Variants in LRP1B observed in about 807,000 individuals in gnomAD.
The protein encoded by LRP1B is LDL receptor related protein 1B, also known as low-density lipoprotein receptor-related protein 1B.
In LRP1B, 217 loss-of-function variants were observed where a neutral mutation model predicts 556.6. The ratio of observed to expected loss-of-function variants is 0.39; its 90% CI spans 0.35 to 0.44. The LOEUF (loss-of-function observed/expected upper bound fraction) is 0.44. Ranked by LOEUF, LRP1B falls within the 20% of genes least tolerant of loss-of-function variation. The pLI is 1.00. For synonymous variants in LRP1B, 2,047 were observed against 1,865.8 expected (o/e 1.10, Z -2.50); for missense variants, 5,053 against 5,620.8 (o/e 0.90, Z 3.23).
intron 35 of LRP1B, among the ~76,000 whole-genome samples, chr2:140,743,715 T>G (rs968789767): frequency 6.6e-5 from 10 of 151,960 alleles, no homozygotes; most frequent in African/African-American, 2.4e-4. Flanking sequence ...ATCTCAGCAC[T>G]TTGAAAGGCT....
At chr2:141,513,417 T>G (rs745380030) in intron 2 of LRP1B, among the ~76,000 whole-genome samples, 52 of 152,104 alleles carry the variant, frequency 3.4e-4, no homozygotes, top group African/African-American at 1.2e-3. Context: ...ATGTATAATA[T>G]TATGAACATT....
intron 27 of LRP1B, among the ~76,000 whole-genome samples, chr2:140,860,346 C>G (rs182668433): frequency 1.6e-3 from 246 of 152,212 alleles, no homozygotes; most frequent in African/African-American, 5.7e-3. Context: ...CTCATTCTCT[C>G]TTTTTCTGGG....
chr2:142,016,505 AGG>A (rs1703134583), intron 1 of LRP1B, among the ~76,000 whole-genome samples: 1 of 152,220 alleles, frequency 6.6e-6, no homozygotes, highest in Non-Finnish European at 1.5e-5. Context: ...GCCATAAAAA[AGG>A]ATGAGTTCAT....
intron 41 of LRP1B, among the ~76,000 whole-genome samples, chr2:140,627,913 G>C (rs1292572479): frequency 6.6e-6 from 1 of 152,104 alleles, no homozygotes; most frequent in African/African-American, 2.4e-5. Flanking sequence ...GACAAACTAG[G>C]CTTTTCTGCC....
intron 35 of LRP1B, among the ~76,000 whole-genome samples, chr2:140,753,775 G>A (rs1688658601): frequency 6.6e-6 from 1 of 151,948 alleles, no homozygotes; most frequent in Non-Finnish European, 1.5e-5. Flanking sequence ...TTTACCTTTG[G>A]CTCCCAATAA....
At chr2:141,065,228 G>A (rs1162668794) in intron 7 of LRP1B, among the ~76,000 whole-genome samples, 2 of 151,846 alleles carry the variant, frequency 1.3e-5, no homozygotes, top group Admixed American at 1.3e-4. Flanking sequence ...CCACTTCAGA[G>A]TAAACTGCTG....
intron 15 of LRP1B, among the ~76,000 whole-genome samples, chr2:141,001,166 A>G (rs1397958399): frequency 1.3e-5 from 2 of 152,086 alleles, no homozygotes; most frequent in East Asian, 1.9e-4. Flanking sequence ...AACTTATCAG[A>G]TCTCTGAGAG....
intron 2 of LRP1B, among the ~76,000 whole-genome samples, chr2:141,489,723 T>C (rs1223748573): frequency 6.6e-6 from 1 of 152,136 alleles, no homozygotes; most frequent in African/African-American, 2.4e-5. Flanking sequence ...CAAACTTATA[T>C]GTAAGTGCAT....
chr2:141,921,702 A>T (rs1312057520), intron 1 of LRP1B, among the ~76,000 whole-genome samples: 1 of 152,076 alleles, frequency 6.6e-6, no homozygotes, highest in Non-Finnish European at 1.5e-5. Context: ...CTCATCAATT[A>T]TAAATAAAAT....
chr2:140,335,922 G>C, intron 77 of LRP1B, 84 bp from the exon 78 acceptor site: 2 of 828,578 alleles, frequency 2.4e-6, no homozygotes, highest in South Asian at 2.9e-5. Context: ...GAAGTTATGG[G>C]GGAATTGTAA....
Position 141,653,941 on chromosome 2 carries a change from A to G in LRP1B, c.205+156338T>C, listed in dbSNP as rs889783378. 1.2e-4 allele frequency among the ~76,000 whole-genome samples: 18 copies of G among 152,164 alleles called. 1 individual carries two copies. Among genetic ancestry groups the G allele is most frequent in the Admixed American group, 1.0e-3 (16 of 15,278 alleles). On this transcript the variant is annotated intron_variant, in intron 2 of 90. Transcript: ENST00000389484. ...CTTTGCTACAATTGTTTGGGCCACC[A>G]TGTATTCTTGAAGCTTACAATAATT... is the stretch of plus-strand genomic sequence containing the variant.
rs538952083 is a variant in LRP1B, at chr2:141,106,244, T to G, written c.1014-43971A>C. On this transcript the variant is annotated intron_variant, in intron 7 of 90. Transcript: ENST00000389484. ...ATGTCATCGACACTTCATTTTGTATTCTAAATAGTTTAGGGAATAGAACAA... is the reference window on the plus strand; with the variant it reads ...ATGTCATCGACACTTCATTTTGTATGCTAAATAGTTTAGGGAATAGAACAA... Among the ~76,000 whole-genome samples the G allele has an allele frequency of 1.3e-4, 20 of 152,320 alleles. 1 individual carries two copies. Among genetic ancestry groups the G allele is most frequent in the African/African-American group, 4.8e-4 (20 of 41,586 alleles).
intron 2 of LRP1B, among the ~76,000 whole-genome samples, chr2:141,700,007 CAT>C (rs1691881088): frequency 6.6e-6 from 1 of 151,210 alleles, no homozygotes. Context: ...CTTTGAAACT[CAT>C]ATGTAAATAT....
chr2:140,497,908 T>G (rs955830768), intron 55 of LRP1B, among the ~76,000 whole-genome samples: 1 of 151,932 alleles, frequency 6.6e-6, no homozygotes, highest in Non-Finnish European at 1.5e-5. Flanking sequence ...GTTTAAGATT[T>G]ACAGTAAATT....
At chr2:140,479,664 A>G (rs1007943477) in intron 59 of LRP1B, among the ~76,000 whole-genome samples, 6 of 152,172 alleles carry the variant, frequency 3.9e-5, no homozygotes, top group Non-Finnish European at 8.8e-5. Flanking sequence ...ACCTGCAATT[A>G]TCTCTGACTT....
chr2:141,725,658 C>T lies in LRP1B; in HGVS notation c.205+84621G>A, dbSNP rs538303151. On this transcript the variant is annotated intron_variant, in intron 2 of 90. Transcript: ENST00000389484. ...AAATTTTAAAAAGAATACAAGTAGT[C>T]TTTTTGGTTGGCACAATATAGCAAA... is the stretch of plus-strand genomic sequence containing the variant. 9.2e-5 allele frequency among the ~76,000 whole-genome samples: 14 copies of T among 151,730 alleles called. 1 individual carries two copies. In the South Asian group the frequency reaches 2.9e-3, roughly 32 times the overall value.
At chr2:141,607,537 CCCTT>C in intron 2 of LRP1B, among the ~76,000 whole-genome samples, 1 of 152,186 alleles carries the variant, frequency 6.6e-6, no homozygotes, top group Non-Finnish European at 1.5e-5. Context: ...AGTTGGCTCT[CCCTT>C]CCCATCCCTC....
intron 3 of LRP1B, among the ~76,000 whole-genome samples, chr2:141,347,848 G>T (rs1054749052): frequency 1.3e-5 from 2 of 151,930 alleles, no homozygotes; most frequent in Non-Finnish European, 2.9e-5. Context: ...AAAAACTAAA[G>T]TCATGAGATG....
At chr2:140,270,394 T>C (rs1682403957) in intron 85 of LRP1B, 48 bp from the exon 86 acceptor site, 4 of 1,181,276 alleles carry the variant, frequency 3.4e-6, no homozygotes, top group Non-Finnish European at 5.1e-6. Context: ...ATTGGCAACA[T>C]TATTGCTGAA....
Sources: gnomAD v4.1 joint callset for allele counts (sites outside exome capture counted in the v4.1 genomes callset) on GRCh38, gnomAD v4.1.1 for gene constraint, MANE v1.5 for transcripts, NCBI Gene and HGNC (gene_info 2026-07-23, HGNC 2026-07-21) for gene names.